EIF4G3: variants seen among roughly 807,000 people sequenced by gnomAD.
The protein encoded by EIF4G3 is eIF-4-gamma 3.
EIF4G3 carries 34 observed loss-of-function variants against 186.4 expected under a neutral mutation model. The observed-to-expected ratio is 0.18, with a 90% confidence interval of 0.14 to 0.24. The LOEUF is 0.24. EIF4G3 is among the 10% of genes least tolerant of loss of function. The pLI, the probability that EIF4G3 is intolerant of heterozygous loss-of-function variation, is 1.00. For synonymous variants in EIF4G3, 673 were observed against 679.5 expected, an observed-to-expected ratio of 0.99 and a Z score of 0.15; for missense variants, 1,536 against 1,948.5, an observed-to-expected ratio of 0.79 and a Z score of 3.99.
At position 20,943,975 on chromosome 1, in the gene EIF4G3, TG is replaced by T. The variant is rs1397677577; in HGVS notation, c.824-1646del. Among the ~76,000 whole-genome samples the T allele has an allele frequency of 4.0e-3, 98 of 24,552 alleles. 2 individuals are homozygous for T. Among genetic ancestry groups the T allele is most frequent in the African/African-American group, 0.011 (91 of 8,252 alleles). 16.1% of individuals were successfully genotyped at this position (24,552 alleles called of 152,430 possible). ...CAGGAAAACTTGTCTTTATTTTTTT[TG>T]TGTGTGTGTGTGTGTGTGTGTGTGT... On this transcript the variant is annotated intron_variant, in intron 13 of 36. Transcript: ENST00000602326.
chr1:20,819,056 T>C (rs571472398), intron 33 of EIF4G3, among the ~76,000 whole-genome samples: 2 of 152,146 alleles, frequency 1.3e-5, no homozygotes, highest in Non-Finnish European at 2.9e-5. Flanking sequence ...TGTGCACCAC[T>C]GCACCCAGCT....
chr1:20,843,860 T>C (rs1033267222), intron 29 of EIF4G3, among the ~76,000 whole-genome samples: 3 of 152,206 alleles, frequency 2.0e-5, no homozygotes, highest in Non-Finnish European at 4.4e-5. Context: ...TACGTGTCCA[T>C]GTGTTCTCAT....
intron 2 of EIF4G3, among the ~76,000 whole-genome samples, chr1:21,163,299 T>C (rs2097795485): frequency 6.6e-6 from 1 of 152,230 alleles, no homozygotes; most frequent in Non-Finnish European, 1.5e-5. Flanking sequence ...AAGTGCTCTG[T>C]AGTCTGCTTT....
intron 3 of EIF4G3, among the ~76,000 whole-genome samples, chr1:21,078,546 G>A (rs1430967751): frequency 6.6e-6 from 1 of 152,148 alleles, no homozygotes; most frequent in African/African-American, 2.4e-5. Flanking sequence ...AGCAGAGTAG[G>A]GCAACTATAG....
At chr1:20,868,794 G>C (rs116690459) in intron 20 of EIF4G3, among the ~76,000 whole-genome samples, 130 of 152,268 alleles carry the variant, frequency 8.5e-4, no homozygotes, top group African/African-American at 2.9e-3. Flanking sequence ...AAGGCTGCTT[G>C]ATAAGCTGAA....
Position 20,807,212 on chromosome 1 carries a change from G to T in EIF4G3, c.*107C>A. 9.9e-7 allele frequency: 1 copy of T among 1,010,682 alleles called. No homozygotes were observed. Among genetic ancestry groups the T allele is most frequent in the Non-Finnish European group, 1.4e-6 (1 of 701,266 alleles). 62.6% of individuals were successfully genotyped at this position (1,010,682 alleles called of 1,614,324 possible). ...CCTCTCCCACTCGTGCACACGTGGG[G>T]GTTTCTGCGAGAATTGGCCTTGCTG... On this transcript the variant is annotated 3_prime_UTR_variant, in exon 37 of 37. Coordinates refer to ENST00000602326, the MANE Select transcript of EIF4G3 (RefSeq NM_001391906.1).
chr1:21,025,447 G>GAA (rs1000525709), intron 4 of EIF4G3, among the ~76,000 whole-genome samples: 2 of 146,902 alleles, frequency 1.4e-5, no homozygotes, highest in Non-Finnish European at 3.0e-5. Context: ...GATCTCGACA[G>GAA]AAAAAAAAAA....
chr1:21,119,005 A>G (rs2096880621), intron 2 of EIF4G3, among the ~76,000 whole-genome samples: 1 of 151,452 alleles, frequency 6.6e-6, no homozygotes, highest in African/African-American at 2.4e-5. Context: ...TGAAGTTAAT[A>G]TATCTGCATT....
At chr1:21,062,026 C>T (rs2094943899) in intron 3 of EIF4G3, among the ~76,000 whole-genome samples, 1 of 151,808 alleles carries the variant, frequency 6.6e-6, no homozygotes, top group African/African-American at 2.4e-5. Context: ...AGATTACAGG[C>T]GTGAGCCACC....
intron 2 of EIF4G3, among the ~76,000 whole-genome samples, chr1:21,113,311 AT>A (rs1187652075): frequency 9.3e-5 from 14 of 150,264 alleles, no homozygotes; most frequent in African/African-American, 2.2e-4. Context: ...AGGCTGAATG[AT>A]TTTTTTTTTA....
chr1:20,953,271 C>G (rs1447013094), intron 12 of EIF4G3, among the ~76,000 whole-genome samples: 1 of 152,088 alleles, frequency 6.6e-6, no homozygotes, highest in Non-Finnish European at 1.5e-5. Flanking sequence ...AAATGGTAAA[C>G]TCCCCTGTCA....
Position 21,109,424 on chromosome 1 carries a change from C to T in EIF4G3, c.-271-20211G>A, listed in dbSNP as rs528053535. On this transcript the variant is annotated intron_variant, in intron 2 of 36. Coordinates refer to ENST00000602326, the MANE Select transcript of EIF4G3 (RefSeq NM_001391906.1). ...CTTTGGGAGGCTGAAGCAGGAGGAT[C>T]GCTTGAGCCCAGGAGTTCCAGACGA... is the stretch of plus-strand genomic sequence containing the variant. Among the ~76,000 whole-genome samples the T allele has an allele frequency of 1.7e-4, 26 of 152,188 alleles. No homozygotes were observed. In the South Asian group the frequency reaches 5.2e-3, roughly 30 times the overall value.
intron 8 of EIF4G3, among the ~76,000 whole-genome samples, chr1:20,981,819 C>G (rs867271820): frequency 1.3e-5 from 2 of 151,670 alleles, no homozygotes; most frequent in Middle Eastern, 3.4e-3. Flanking sequence ...TATATACATA[C>G]ATATATGTAT....
intron 3 of EIF4G3, among the ~76,000 whole-genome samples, chr1:21,073,001 A>G (rs945459352): frequency 2.0e-5 from 3 of 152,146 alleles, no homozygotes; most frequent in Non-Finnish European, 4.4e-5. Flanking sequence ...GAGGAAGGAA[A>G]CTGAGGTGCA....
At chr1:20,838,671 T>C (rs1049112335) in intron 30 of EIF4G3, among the ~76,000 whole-genome samples, 5 of 152,286 alleles carry the variant, frequency 3.3e-5, no homozygotes, top group African/African-American at 9.6e-5. Context: ...ATCTAGCTTA[T>C]TGCTGAAAGA....
chr1:20,906,379 T>C (rs576972695), intron 14 of EIF4G3, among the ~76,000 whole-genome samples: 4 of 152,338 alleles, frequency 2.6e-5, no homozygotes, highest in Admixed American at 6.5e-5. Context: ...TCTGCTTCCA[T>C]AGCTGAATCT....
Position 21,176,080 on chromosome 1 carries a change from C to T in EIF4G3, c.-272+95G>A, listed in dbSNP as rs548013053. On this transcript the variant is annotated intron_variant, in intron 2 of 36. Coordinates refer to ENST00000602326, the MANE Select transcript of EIF4G3 (RefSeq NM_001391906.1). ...AGCCGCTGTCCCTTTCCTGGCTGGG[C>T]TGTGGCGGCCGGCAGGAGGGTCCCC... The T allele has an allele frequency of 1.2e-3, 314 of 254,716 alleles. 1 individual carries two copies. The highest frequency in any genetic ancestry group is 1.8e-3 in the Non-Finnish European group (240 of 135,656). 15.8% of individuals were successfully genotyped at this position (254,716 alleles called of 1,614,324 possible). A position where few individuals can be genotyped will look rare whatever the true frequency, so the allele number is the denominator to read the frequency against.
chr1:20,885,441 T>C (rs1358470185), intron 19 of EIF4G3, among the ~76,000 whole-genome samples: 2 of 152,224 alleles, frequency 1.3e-5, no homozygotes, highest in Admixed American at 1.3e-4. Context: ...GAGCTGGAAC[T>C]TTGAACTGCT....
At chr1:20,812,299 C>A (rs567844357) in intron 35 of EIF4G3, among the ~76,000 whole-genome samples, 10 of 152,078 alleles carry the variant, frequency 6.6e-5, no homozygotes, top group Admixed American at 6.6e-4. Flanking sequence ...CTTCCCAACT[C>A]GAATTTTAAA....
Sources: allele counts gnomAD v4.1 joint callset (sites outside exome capture counted in the v4.1 genomes callset), GRCh38; gene constraint gnomAD v4.1.1; transcripts MANE v1.5; gene names NCBI Gene and HGNC (gene_info 2026-07-23, HGNC 2026-07-21).